The following ZNF131 variants were observed in gnomAD, a reference collection of about 807,000 sequenced individuals.
The protein encoded by ZNF131 is zinc finger protein 131.
ZNF131 carries 7 observed loss-of-function variants against 60.0 expected under a neutral mutation model. The ratio of observed to expected loss-of-function variants is 0.12; its 90% CI spans 0.07 to 0.22. The LOEUF (loss-of-function observed/expected upper bound fraction) is 0.22, where lower values mean the gene tolerates loss of function less well. Ranked by LOEUF, ZNF131 falls within the 10% of genes least tolerant of loss-of-function variation. The pLI is 1.00. For synonymous variants in ZNF131, 257 were observed against 253.2 expected (o/e 1.01, Z -0.14); for missense variants, 493 against 740.9 (o/e 0.67, Z 3.88).
At chr5:43,121,789 G>A (rs911041428) in intron 1 of ZNF131, 2 of 292,374 alleles carry the variant, frequency 6.8e-6, no homozygotes, top group Non-Finnish European at 1.3e-5. Context: ...CCGGCGCTGT[G>A]CCCACCCCGC....
At chr5:43,126,531 C>G (rs748685640) in intron 3 of ZNF131, among the ~76,000 whole-genome samples, 14 of 152,140 alleles carry the variant, frequency 9.2e-5, no homozygotes, top group Non-Finnish European at 1.8e-4. Context: ...TCCGTGACTT[C>G]CCTTGTACAC....
At chr5:43,140,792 C>G (rs1300997192) in intron 4 of ZNF131, among the ~76,000 whole-genome samples, 2 of 152,218 alleles carry the variant, frequency 1.3e-5, no homozygotes, top group Admixed American at 6.5e-5. Flanking sequence ...TCTCGGCTCA[C>G]TGCAACCTCC....
At chr5:43,155,139 A>T (rs1748799136) in intron 4 of ZNF131, among the ~76,000 whole-genome samples, 1 of 152,076 alleles carries the variant, frequency 6.6e-6, no homozygotes, top group Non-Finnish European at 1.5e-5. Flanking sequence ...TAATCTAGTG[A>T]TTTTGCTTTG....
Position 43,175,638 on chromosome 5 carries a change from C to A in ZNF131, c.*505C>A. 2.2e-6 allele frequency: 1 copy of A among 462,694 alleles called. No homozygotes were observed. Among genetic ancestry groups the A allele is most frequent in the Non-Finnish European group, 3.8e-6 (1 of 262,696 alleles). The allele number at this position is 462,694 out of a possible 1,614,324, so 28.7% of individuals were successfully genotyped here. On this transcript the variant is annotated 3_prime_UTR_variant, in exon 7 of 7. Transcript: ENST00000682664. ...GGCTTCTGGCTTTCTTTAGTTTGAACAAACGTTCTTGTCTACCCCAGTAGT... is the reference window on the plus strand; with the variant it reads ...GGCTTCTGGCTTTCTTTAGTTTGAAAAAACGTTCTTGTCTACCCCAGTAGT...
intron 3 of ZNF131, among the ~76,000 whole-genome samples, chr5:43,136,626 TTTC>T (rs145930410): frequency 0.26 from 37,723 of 144,942 alleles, 5,481 homozygotes; most frequent in East Asian, 0.62. Context: ...ATCTAATTTT[TTTC>T]TTTTTTTCTT....
At chr5:43,168,609 A>G (rs1275242793) in intron 5 of ZNF131, among the ~76,000 whole-genome samples, 4 of 152,202 alleles carry the variant, frequency 2.6e-5, no homozygotes, top group Non-Finnish European at 4.4e-5. Flanking sequence ...AATGAGTTTG[A>G]ATAATATCTT....
At chr5:43,158,385 G>A (rs1039945949) in intron 4 of ZNF131, among the ~76,000 whole-genome samples, 2 of 152,132 alleles carry the variant, frequency 1.3e-5, no homozygotes, top group African/African-American at 4.8e-5. Context: ...CACCTCCTGG[G>A]TTCAAGTGAT....
intron 4 of ZNF131, among the ~76,000 whole-genome samples, chr5:43,160,678 C>CTTTTTTTTTTT (rs71608692): frequency 0.015 from 1,361 of 93,002 alleles, 90 homozygotes; most frequent in East Asian, 0.063. Context: ...TAGCTTGGAA[C>CTTTTTTTTTTT]TTTTTTTTTT....
At chr5:43,150,731 C>T (rs1195040959) in intron 4 of ZNF131, among the ~76,000 whole-genome samples, 1 of 152,134 alleles carries the variant, frequency 6.6e-6, no homozygotes, top group Non-Finnish European at 1.5e-5. Flanking sequence ...GAACTGAGAT[C>T]GCGCCATTGC....
Position 43,159,523 on chromosome 5 carries a change from G to A in ZNF131, c.372-1726G>A, listed in dbSNP as rs534181566. On this transcript the variant is annotated intron_variant, in intron 4 of 6. Coordinates refer to ENST00000682664, the MANE Select transcript of ZNF131 (RefSeq NM_001330707.2). The stretch of plus-strand genomic sequence containing the variant: ...ACCCTGGCCAACATGGTGAGACCCC[G>A]TCTCTACTAAAAAATACAAAAATTA... 3.0e-3 allele frequency among the ~76,000 whole-genome samples: 460 copies of A among 151,864 alleles called. 1 individual carries two copies. The highest frequency in any genetic ancestry group is 0.011 in the African/African-American group (445 of 41,428).
chr5:43,152,099 T>A (rs1260870679), intron 4 of ZNF131, among the ~76,000 whole-genome samples: 1 of 151,834 alleles, frequency 6.6e-6, no homozygotes, highest in Non-Finnish European at 1.5e-5. Context: ...ACCTCCCAGG[T>A]TCAAGTGATT....
chr5:43,143,850 C>T (rs1474958665), intron 4 of ZNF131, among the ~76,000 whole-genome samples: 1 of 138,656 alleles, frequency 7.2e-6, no homozygotes, highest in South Asian at 2.3e-4. Flanking sequence ...ATGTATACAG[C>T]TCTGTGCATG....
chr5:43,140,961 C>T (rs760639857), intron 4 of ZNF131, among the ~76,000 whole-genome samples: 2 of 152,034 alleles, frequency 1.3e-5, no homozygotes, highest in Non-Finnish European at 2.9e-5. Flanking sequence ...TTAAGTGATC[C>T]GCCTGTCTCA....
rs1751452485 is a variant in ZNF131 at position 43,175,221 on chromosome 5, G to A, written c.*88G>A. 9.2e-6 allele frequency: 12 copies of A among 1,308,688 alleles called. No individual in the cohort carries two copies. Among genetic ancestry groups the A allele is most frequent in the Non-Finnish European group, 1.0e-5 (10 of 968,690 alleles). 81.1% of individuals were successfully genotyped at this position (1,308,688 alleles called of 1,614,324 possible). The stretch of plus-strand genomic sequence containing the variant: ...TGACTGTCCTTAATTAAGCCTAACA[G>A]ACAAGTGGACCAAAGTTAAGCTGTT... On this transcript the variant is annotated 3_prime_UTR_variant, in exon 7 of 7. Transcript: ENST00000682664.
chr5:43,152,245 C>G (rs189955643), intron 4 of ZNF131, among the ~76,000 whole-genome samples: 1 of 152,102 alleles, frequency 6.6e-6, no homozygotes, highest in Non-Finnish European at 1.5e-5. Flanking sequence ...TCAAGTGATC[C>G]GCCTGCTTCA....
intron 4 of ZNF131, among the ~76,000 whole-genome samples, chr5:43,153,094 A>G (rs1225227111): frequency 1.3e-5 from 2 of 152,166 alleles, no homozygotes. Flanking sequence ...TTAGAGACCC[A>G]TTATGTTTCC....
chr5:43,135,328 A>G (rs191147897), intron 3 of ZNF131, among the ~76,000 whole-genome samples: 2,022 of 149,698 alleles, frequency 0.014, 40 homozygotes, highest in African/African-American at 0.047. Flanking sequence ...ACAATGAACT[A>G]TCTGGAAAGG....
intron 4 of ZNF131, among the ~76,000 whole-genome samples, chr5:43,147,005 C>A (rs1747671908): frequency 2.0e-5 from 3 of 152,118 alleles, no homozygotes. Context: ...TGATTGTTTG[C>A]AGTTGATCCT....
intron 4 of ZNF131, among the ~76,000 whole-genome samples, chr5:43,140,546 A>G (rs762426889): frequency 2.0e-5 from 3 of 152,178 alleles, no homozygotes; most frequent in Admixed American, 6.5e-5. Context: ...AGTATGAACT[A>G]TTATCTCCTG....
Sources: allele counts gnomAD v4.1 joint callset (sites outside exome capture counted in the v4.1 genomes callset), GRCh38; gene constraint gnomAD v4.1.1; transcripts MANE v1.5; gene names NCBI Gene and HGNC (gene_info 2026-07-23, HGNC 2026-07-21).